The following ZNF707 variants were observed in gnomAD, a reference collection of about 807,000 sequenced individuals.
ZNF707 encodes zinc finger protein 707.
A neutral mutation model predicts 13.3 loss-of-function variants in ZNF707; 8 were observed. That is an observed-to-expected ratio of 0.60 (90% CI 0.35 to 1.09). ZNF707 has a LOEUF of 1.09. ZNF707 is among the 50% of genes least tolerant of loss of function. The pLI, the probability that ZNF707 is intolerant of heterozygous loss-of-function variation, is 0.02. For missense variants in ZNF707, 530 were observed against 512.6 expected (o/e 1.03, Z -0.33); for synonymous variants, 225 against 205.6 (o/e 1.09, Z -0.81).
chr8:143,693,715 G>C lies in ZNF707; in HGVS notation c.301G>C (p.Ala101Pro). ...ADPKRPCDHP[A>P]WAHKKTHVRR... ...CCCCAAGAGACCTTGTGATCATCCAGCTTGGGCTCACAAGAAAACCCACGT... is the reference window on the plus strand; with the variant it reads ...CCCCAAGAGACCTTGTGATCATCCACCTTGGGCTCACAAGAAAACCCACGT... Residue 101 changes from alanine (A) to proline (P), a missense_variant, in exon 6 of 6, where the codon GCT becomes CCT. Ala to Pro is a conservative substitution (Grantham distance 27). Transcript: ENST00000358656. This position sits in a 1 kb window ranked among gnomAD's most constrained non-coding sequence, Gnocchi z 4.1. 1.2e-6 allele frequency: 2 copies of C among 1,610,668 alleles called. No individual in the cohort carries two copies. Among genetic ancestry groups the C allele is most frequent in the Non-Finnish European group, 1.7e-6 (2 of 1,178,516 alleles).
chr8:143,694,015 AC>A lies in ZNF707; in HGVS notation c.603del (p.Lys202ArgfsTer42). On this transcript the variant is annotated frameshift_variant, in exon 6 of 6. Transcript: ENST00000358656. LOFTEE classifies it low-confidence loss of function (END_TRUNC). The surrounding 1 kb of genome is among the most constrained non-coding windows in gnomAD (Gnocchi z 4.4). ...CGCTCACCAGACGGTGCACACGGGA[AC>A]CAAGGCCTTCGAGTGCCCCGAGTGC... is the stretch of plus-strand genomic sequence containing the variant. ...LLAHQTVHTG[T>X]KAFECPECGQ... 1.9e-6 allele frequency: 3 copies of A among 1,605,458 alleles called. No homozygotes were observed. The highest frequency in any genetic ancestry group is 2.5e-6 in the Non-Finnish European group (3 of 1,177,224).
intron 2 of ZNF707, among the ~76,000 whole-genome samples, chr8:143,689,552 A>G (rs1033776566): frequency 6.6e-6 from 1 of 151,968 alleles, no homozygotes; most frequent in Admixed American, 6.6e-5. Flanking sequence ...AGTGAACATT[A>G]TTGGGGTTTC....
rs1817012619 is a variant in ZNF707 at position 143,693,374 on chromosome 8, G to A, written c.257-297G>A. ...GCAATCTCGGCTCACTGCAAGCTCC[G>A]CTTCCCGGGTTCACGCCATTCTCCT... On this transcript the variant is annotated intron_variant, in intron 5 of 5. Transcript: ENST00000358656. This position sits in a 1 kb window ranked among gnomAD's most constrained non-coding sequence, Gnocchi z 4.1. 1.3e-5 allele frequency among the ~76,000 whole-genome samples: 2 copies of A among 151,240 alleles called. No homozygotes were observed. Among genetic ancestry groups the A allele is most frequent in the South Asian group, 4.2e-4 (2 of 4,796 alleles).
At chr8:143,685,661 G>A (rs1174046216) in intron 1 of ZNF707, among the ~76,000 whole-genome samples, 13 of 152,046 alleles carry the variant, frequency 8.6e-5, no homozygotes, top group African/African-American at 3.1e-4. Context: ...GCAACATAGT[G>A]AGACCCCGTT....
chr8:143,685,903 C>G (rs1246636834), intron 1 of ZNF707, among the ~76,000 whole-genome samples: 1 of 152,118 alleles, frequency 6.6e-6, no homozygotes, highest in African/African-American at 2.4e-5. Flanking sequence ...TGACAATATC[C>G]TTCTGTTCTC....
At position 143,694,010 on chromosome 8, in the gene ZNF707, C is replaced by T. The variant is rs781953892; in HGVS notation, c.596C>T (p.Thr199Met). The T allele has an allele frequency of 6.4e-5, 103 of 1,604,788 alleles. No homozygotes were observed. The highest frequency in any genetic ancestry group is 8.5e-5 in the Non-Finnish European group (100 of 1,177,106). The change falls in exon 6 of 6, where the codon ACG becomes ATG. Residue 199 changes from threonine to methionine, a missense_variant. Coordinates refer to ENST00000358656, the MANE Select transcript of ZNF707 (RefSeq NM_001100598.2). This position sits in a 1 kb window ranked among gnomAD's most constrained non-coding sequence, Gnocchi z 4.4. ...SRLLAHQTVH[T>M]GTKAFECPEC... Reference sequence around the variant, plus strand: ...CTGCTCGCTCACCAGACGGTGCACACGGGAACCAAGGCCTTCGAGTGCCCC... The same window carrying T: ...CTGCTCGCTCACCAGACGGTGCACATGGGAACCAAGGCCTTCGAGTGCCCC...
In ZNF707 at chr8:143,694,027, G is replaced by C. The variant is rs183744720; in HGVS notation, c.613G>C (p.Glu205Gln). ...QTVHTGTKAF[E>Q]CPECGQTFRW... ...GGTGCACACGGGAACCAAGGCCTTC[G>C]AGTGCCCCGAGTGCGGCCAGACCTT... The change falls in exon 6 of 6, where the codon GAG (glutamate) becomes CAG (glutamine). Residue 205 changes from glutamate to glutamine, a missense_variant. Coordinates refer to ENST00000358656, the MANE Select transcript of ZNF707 (RefSeq NM_001100598.2). The surrounding 1 kb of genome is among the most constrained non-coding windows in gnomAD (Gnocchi z 4.4). 4.4e-5 allele frequency: 70 copies of C among 1,605,570 alleles called. No homozygotes were observed. In the African/African-American group the frequency reaches 8.4e-4, roughly 19 times the overall value.
chr8:143,692,105 C>T, intron 5 of ZNF707: 1 of 1,328,568 alleles, frequency 7.5e-7, no homozygotes, highest in Non-Finnish European at 9.8e-7. Flanking sequence ...TGAGGGTCTC[C>T]AGGTATGTGG....
chr8:143,690,332 G>A (rs929046316), intron 3 of ZNF707: 1 of 585,554 alleles, frequency 1.7e-6, no homozygotes, highest in Non-Finnish European at 2.9e-6. Context: ...AGCACTTTGG[G>A]AGGCTGAGGC....
Position 143,693,957 on chromosome 8 carries a change from C to A in ZNF707, c.543C>A (p.Cys181Ter), listed in dbSNP as rs370483652. The A allele has an allele frequency of 2.5e-6, 4 of 1,599,866 alleles. No homozygotes were observed. Among genetic ancestry groups the A allele is most frequent in the South Asian group, 1.1e-5 (1 of 89,806 alleles). ...AGCTGTCATTCATCTGCGGCACGTG[C>A]GGGAAGGCGCTCAGCTGCCACAGCC... is the stretch of plus-strand genomic sequence containing the variant. ...AVELSFICGTCGKALSCHSRL... is the reference protein window; with the variant it reads ...AVELSFICGT Residue 181 changes from cysteine (C) to a stop codon, truncating the protein, a stop_gained, in exon 6 of 6, where the codon TGC becomes TGA. Coordinates refer to ENST00000358656, the MANE Select transcript of ZNF707 (RefSeq NM_001100598.2). LOFTEE classifies it low-confidence loss of function (END_TRUNC). The surrounding 1 kb of genome is among the most constrained non-coding windows in gnomAD (Gnocchi z 4.1).
intron 1 of ZNF707, chr8:143,688,586 T>A (rs1554612753): frequency 6.6e-6 from 1 of 152,114 alleles, no homozygotes; most frequent in East Asian, 1.9e-4. Context: ...CTAATATTTT[T>A]TGAGAATTTG....
At chr8:143,691,296 C>A in intron 4 of ZNF707, 97 bp downstream of exon 4, 1 of 1,488,118 alleles carries the variant, frequency 6.7e-7, no homozygotes, top group Non-Finnish European at 8.9e-7. Context: ...GTAGTGGGGC[C>A]TCCCAGCTGA....
At position 143,690,066 on chromosome 8, in the gene ZNF707, C is replaced by T. The variant is rs1554613079; in HGVS notation, c.-43C>T. On this transcript the variant is annotated 5_prime_UTR_variant, in exon 3 of 6. Transcript: ENST00000358656. ...TTTCTTGTCTCCCCAGATCTGCCCTCCTTGGCACTGTGCTTCCCCAGAGGG... is the reference window on the plus strand; with the variant it reads ...TTTCTTGTCTCCCCAGATCTGCCCTTCTTGGCACTGTGCTTCCCCAGAGGG... 1.9e-6 allele frequency: 3 copies of T among 1,609,208 alleles called. No homozygotes were observed. Among genetic ancestry groups the T allele is most frequent in the African/African-American group, 1.3e-5 (1 of 75,062 alleles).
intron 4 of ZNF707, 38 bp from the exon 5 acceptor site, chr8:143,691,560 CAG>C: frequency 1.9e-6 from 3 of 1,551,110 alleles, no homozygotes; most frequent in Non-Finnish European, 2.6e-6. Context: ...ACTTTGTCCT[CAG>C]TACAAGTAAA....
chr8:143,694,553 T>C lies in ZNF707; in HGVS notation c.*23T>C. On this transcript the variant is annotated 3_prime_UTR_variant, in exon 6 of 6. Coordinates refer to ENST00000358656, the MANE Select transcript of ZNF707 (RefSeq NM_001100598.2). The surrounding 1 kb of genome is among the most constrained non-coding windows in gnomAD (Gnocchi z 4.4). Reference sequence around the variant, plus strand: ...TAGGGGCGCCCGAAGAGTGGGGTGCTGCGCCTCTGCGGGAGTACTGGGTCC... The same window carrying C: ...TAGGGGCGCCCGAAGAGTGGGGTGCCGCGCCTCTGCGGGAGTACTGGGTCC... The C allele has an allele frequency of 6.4e-7, 1 of 1,562,158 alleles. No homozygotes were observed. The highest frequency in any genetic ancestry group is 1.8e-5 in the Admixed American group (1 of 56,044).
chr8:143,685,846 GAAAA>G (rs1322876511), intron 1 of ZNF707, among the ~76,000 whole-genome samples: 1 of 151,342 alleles, frequency 6.6e-6, no homozygotes, highest in African/African-American at 2.4e-5. Flanking sequence ...CTGCCTCAGA[GAAAA>G]AAAAATCCTG....
At chr8:143,688,429 T>C (rs1554612702) in intron 1 of ZNF707, among the ~76,000 whole-genome samples, 1 of 152,064 alleles carries the variant, frequency 6.6e-6, no homozygotes, top group Non-Finnish European at 1.5e-5. Context: ...AGCCGCCCCA[T>C]GCAGTGAGTG....
At chr8:143,685,801 C>T (rs1554611829) in intron 1 of ZNF707, among the ~76,000 whole-genome samples, 1 of 152,176 alleles carries the variant, frequency 6.6e-6, no homozygotes, top group Non-Finnish European at 1.5e-5. Flanking sequence ...TGTGATTGCA[C>T]TACTGCATTC....
At chr8:143,691,023 A>C (rs1175999680) in intron 3 of ZNF707, 50 bp from the exon 4 acceptor site, 2 of 1,610,014 alleles carry the variant, frequency 1.2e-6, no homozygotes, top group Non-Finnish European at 1.7e-6. Context: ...CTGTGGGCTG[A>C]GCCTTCTTTT....
Sources: gnomAD v4.1 joint callset for allele counts (sites outside exome capture counted in the v4.1 genomes callset) on GRCh38, gnomAD v4.1.1 for gene constraint, Gnocchi (gnomAD v3.1) non-coding constraint, MANE v1.5 for transcripts, NCBI Gene and HGNC (gene_info 2026-07-23, HGNC 2026-07-21) for gene names.